Variants in SNX29 observed in about 807,000 individuals in gnomAD.
SNX29 encodes the protein sorting nexin 29, also known as sorting nexin-29.
Under a neutral mutation model 102.1 loss-of-function variants are expected in SNX29, and 78 were observed. That is an observed-to-expected ratio of 0.76 (90% CI 0.64 to 0.92). The LOEUF is 0.92. Among genes scored for constraint, SNX29 ranks in the 40% least tolerant of loss-of-function variants. The pLI is 0.00. For synonymous variants in SNX29, 580 were observed against 414.5 expected (o/e 1.40, Z -4.85); for missense variants, 1,280 against 1,061.7 (o/e 1.21, Z -2.86).
At chr16:12,082,097 C>T (rs866546294) in intron 11 of SNX29, among the ~76,000 whole-genome samples, 3 of 152,204 alleles carry the variant, frequency 2.0e-5, no homozygotes, top group Admixed American at 6.5e-5. Context: ...TTCCCAGCAC[C>T]TATGATTCTG....
At chr16:12,353,387 T>C (rs1457933279) in intron 15 of SNX29, among the ~76,000 whole-genome samples, 1 of 152,214 alleles carries the variant, frequency 6.6e-6, no homozygotes, top group Non-Finnish European at 1.5e-5. Context: ...TGGGAACTTA[T>C]CCTGCCCCAG....
At chr16:12,394,891 T>A (rs2083663880) in intron 16 of SNX29, among the ~76,000 whole-genome samples, 1 of 151,904 alleles carries the variant, frequency 6.6e-6, no homozygotes, top group Non-Finnish European at 1.5e-5. Flanking sequence ...CTTTGTGGAG[T>A]GGGCAGCCTT....
At chr16:12,222,009 A>G (rs754400156) in intron 14 of SNX29, among the ~76,000 whole-genome samples, 2 of 152,224 alleles carry the variant, frequency 1.3e-5, no homozygotes, top group Non-Finnish European at 2.9e-5. Flanking sequence ...CGTTAGGTAG[A>G]GAGGATGATA....
At chr16:12,133,194 C>G (rs911038446) in intron 13 of SNX29, among the ~76,000 whole-genome samples, 5 of 150,708 alleles carry the variant, frequency 3.3e-5, no homozygotes, top group African/African-American at 1.2e-4. Context: ...CTTGTACTGA[C>G]GGGGTCAGAC....
In SNX29 at chr16:12,568,628, G is replaced by T; in HGVS notation, c.2441G>T (p.Ter814LeuextTer36). 6.2e-7 allele frequency: 1 copy of T among 1,602,650 alleles called. No individual in the cohort carries two copies. The highest frequency in any genetic ancestry group is 8.5e-7 in the Non-Finnish European group (1 of 1,179,756). ...RNVEPQSGDL[*>L] ...GTGGAGCCCCAGAGCGGTGACCTCT[G>T]ACCTCGACAAAACCGCAGCCACGGG... Residue 814 changes from the stop codon to leucine, a stop_lost, in exon 21 of 21, where the codon TGA (stop) becomes TTA (leucine). Coordinates refer to ENST00000566228, the MANE Select transcript of SNX29 (RefSeq NM_032167.5).
chr16:12,188,559 AT>A, intron 13 of SNX29, among the ~76,000 whole-genome samples: 1 of 152,252 alleles, frequency 6.6e-6, no homozygotes, highest in East Asian at 1.9e-4. Flanking sequence ...GTCATCTGTA[AT>A]TAATTACCTT....
intron 15 of SNX29, among the ~76,000 whole-genome samples, chr16:12,338,032 A>G (rs1567453291): frequency 6.6e-6 from 1 of 152,106 alleles, no homozygotes; most frequent in Non-Finnish European, 1.5e-5. Context: ...CCGAGGAAGC[A>G]CCTGCATTTG....
chr16:12,093,610 A>G (rs567990453), intron 11 of SNX29: 93 of 152,286 alleles, frequency 6.1e-4, no homozygotes, highest in African/African-American at 2.2e-3. Flanking sequence ...TGTCTTAAAG[A>G]GAAAGATCTA....
intron 14 of SNX29, among the ~76,000 whole-genome samples, chr16:12,245,813 A>G (rs2078243417): frequency 6.6e-6 from 1 of 151,852 alleles, no homozygotes; most frequent in Admixed American, 6.6e-5. Context: ...GTAGGGAGAG[A>G]TGAAGTGCTT....
At chr16:12,235,409 G>T (rs79948227) in intron 14 of SNX29, among the ~76,000 whole-genome samples, 3 of 152,086 alleles carry the variant, frequency 2.0e-5, no homozygotes, top group African/African-American at 7.3e-5. Flanking sequence ...GGAAGCGGCA[G>T]TGATCCATTT....
intron 20 of SNX29, among the ~76,000 whole-genome samples, chr16:12,564,906 C>T (rs1471650449): frequency 1.4e-5 from 2 of 142,472 alleles, no homozygotes; most frequent in African/African-American, 5.3e-5. Context: ...GAGGCATCTG[C>T]AGCAGGGACT....
chr16:12,429,256 C>T (rs1290727209), intron 18 of SNX29, among the ~76,000 whole-genome samples: 1 of 152,168 alleles, frequency 6.6e-6, no homozygotes, highest in East Asian at 1.9e-4. Context: ...CAATTAATAT[C>T]TCCTTCTAGT....
chr16:12,476,422 A>ATATATATATATACACG (rs2087642405), intron 18 of SNX29, among the ~76,000 whole-genome samples: 1 of 81,878 alleles, frequency 1.2e-5, no homozygotes, highest in Non-Finnish European at 2.4e-5. Flanking sequence ...ACATATATAT[A>ATATATATATATACACG]TATATATATA....
chr16:12,484,493 G>C (rs76918171), intron 19 of SNX29, among the ~76,000 whole-genome samples: 4,492 of 152,152 alleles, frequency 0.03, 207 homozygotes, highest in African/African-American at 0.1. Flanking sequence ...TGACACCCCT[G>C]GTACTTACAA....
intron 4 of SNX29, among the ~76,000 whole-genome samples, chr16:12,036,975 G>A (rs947972504): frequency 1.4e-4 from 22 of 152,088 alleles, no homozygotes; most frequent in African/African-American, 4.6e-4. Context: ...TCCCAAATCT[G>A]TCTCCATCTG....
At chr16:12,230,819 CGTATGTAT>C (rs72479138) in intron 14 of SNX29, among the ~76,000 whole-genome samples, 8 of 150,286 alleles carry the variant, frequency 5.3e-5, no homozygotes, top group South Asian at 2.1e-4. Flanking sequence ...TGTAATAAGT[CGTATGTAT>C]GTATGTATGT....
chr16:12,538,386 G>C (rs151290218), intron 20 of SNX29, among the ~76,000 whole-genome samples: 7 of 152,204 alleles, frequency 4.6e-5, no homozygotes, highest in East Asian at 3.9e-4. Flanking sequence ...CACCGCGCCC[G>C]GCCTCCCCTT....
chr16:12,534,583 A>C (rs2077019703), intron 20 of SNX29, among the ~76,000 whole-genome samples: 1 of 152,220 alleles, frequency 6.6e-6, no homozygotes, highest in Non-Finnish European at 1.5e-5. Context: ...GTTGAAAAAG[A>C]AGTCTGGTAT....
chr16:12,254,621 A>G (rs562331980), intron 14 of SNX29, among the ~76,000 whole-genome samples: 1 of 151,968 alleles, frequency 6.6e-6, no homozygotes, highest in Non-Finnish European at 1.5e-5. Flanking sequence ...AGCCTGGGTG[A>G]CAGAGCACCA....
Sources: gnomAD v4.1 joint callset for allele counts (sites outside exome capture counted in the v4.1 genomes callset) on GRCh38, gnomAD v4.1.1 for gene constraint, MANE v1.5 for transcripts, NCBI Gene and HGNC (gene_info 2026-07-23, HGNC 2026-07-21) for gene names.